ROBO2: variants seen among roughly 807,000 people sequenced by gnomAD.
The protein encoded by ROBO2 is roundabout guidance receptor 2.
A neutral mutation model predicts 160.8 loss-of-function variants in ROBO2; 53 were observed. That is an observed-to-expected ratio of 0.33 (90% CI 0.26 to 0.41). ROBO2 has a LOEUF of 0.41. ROBO2 is among the 10% of genes least tolerant of loss of function. The pLI is 1.00. For missense variants in ROBO2, 1,577 were observed against 1,722.4 expected (o/e 0.92, Z 1.49); for synonymous variants, 664 against 611.7 (o/e 1.09, Z -1.26).
chr3:76,317,461 A>G (rs187625587), intron 2 of ROBO2, among the ~76,000 whole-genome samples: 427 of 152,020 alleles, frequency 2.8e-3, no homozygotes, highest in South Asian at 0.013. Context: ...TGCAGTAGAA[A>G]AAAAGAAAGC....
At chr3:77,308,208 G>A (rs1190032272) in intron 2 of ROBO2, among the ~76,000 whole-genome samples, 2 of 151,240 alleles carry the variant, frequency 1.3e-5, no homozygotes, top group African/African-American at 4.9e-5. Flanking sequence ...TGCGGCAATC[G>A]TTCTTTTCAT....
chr3:77,088,550 C>G (rs554126891), intron 1 of ROBO2, among the ~76,000 whole-genome samples: 1 of 152,228 alleles, frequency 6.6e-6, no homozygotes, highest in African/African-American at 2.4e-5. Context: ...CTATCACTCC[C>G]CACGCTGCCC....
At chr3:75,965,057 A>G (rs555164643) in intron 2 of ROBO2, 2 of 151,820 alleles carry the variant, frequency 1.3e-5, no homozygotes, top group African/African-American at 4.8e-5. Context: ...ACACCACTAC[A>G]TTTGGACTAG....
chr3:76,287,873 T>G (rs936899662), intron 2 of ROBO2, among the ~76,000 whole-genome samples: 4 of 145,260 alleles, frequency 2.8e-5, no homozygotes. Flanking sequence ...CTGCTACTAT[T>G]TTTGTATTCA....
At chr3:76,084,794 C>T (rs1453130161) in intron 2 of ROBO2, among the ~76,000 whole-genome samples, 2 of 152,064 alleles carry the variant, frequency 1.3e-5, no homozygotes, top group East Asian at 1.9e-4. Context: ...TAATAATGGT[C>T]CTTGCTGCTC....
At position 76,444,458 on chromosome 3, in the gene ROBO2, G is replaced by A. The variant is rs115526974; in HGVS notation, c.109+506856G>A. ...AGACTGAGTAATTTTAAAGGAAAGA[G>A]GTTTAATTGGCTTACATTTCAGCAT... On this transcript the variant is annotated intron_variant, in intron 2 of 26. Transcript: ENST00000487694. Among the ~76,000 whole-genome samples the A allele has an allele frequency of 6.6e-3, 1,012 of 152,222 alleles. 7 individuals carry two copies. Among genetic ancestry groups the A allele is most frequent in the Middle Eastern group, 0.014 (4 of 294 alleles).
chr3:76,403,107 A>T (rs2077935694), intron 2 of ROBO2, among the ~76,000 whole-genome samples: 1 of 151,542 alleles, frequency 6.6e-6, no homozygotes, highest in Non-Finnish European at 1.5e-5. Flanking sequence ...ACTGGAATAT[A>T]GTTAAGTTAA....
chr3:76,101,136 C>T (rs1440242942), intron 2 of ROBO2, among the ~76,000 whole-genome samples: 1 of 152,000 alleles, frequency 6.6e-6, no homozygotes, highest in Non-Finnish European at 1.5e-5. Context: ...AGCCGGTAAT[C>T]GTCACAGAGT....
intron 2 of ROBO2, among the ~76,000 whole-genome samples, chr3:76,537,954 A>G (rs538074651): frequency 4.9e-4 from 74 of 152,150 alleles, no homozygotes; most frequent in Middle Eastern, 6.8e-3. Flanking sequence ...CTGATCAGTT[A>G]GGGTAGGGCA....
intron 2 of ROBO2, among the ~76,000 whole-genome samples, chr3:76,925,036 G>A (rs34649001): frequency 0.23 from 34,231 of 150,762 alleles, 4,054 homozygotes; most frequent in South Asian, 0.32. Context: ...GTGAAACCCC[G>A]TCTCTACTAA....
chr3:76,210,121 A>G (rs183732813), intron 2 of ROBO2, among the ~76,000 whole-genome samples: 2 of 152,228 alleles, frequency 1.3e-5, no homozygotes, highest in African/African-American at 4.8e-5. Context: ...AATGACAAAG[A>G]ACTCTCCCTT....
intron 2 of ROBO2, among the ~76,000 whole-genome samples, chr3:76,984,195 A>G (rs1277766803): frequency 6.6e-6 from 1 of 151,994 alleles, no homozygotes; most frequent in Non-Finnish European, 1.5e-5. Flanking sequence ...AGATTATGAG[A>G]TTTTGGGTGG....
intron 2 of ROBO2, among the ~76,000 whole-genome samples, chr3:77,363,637 T>C (rs906688552): frequency 1.3e-5 from 2 of 152,252 alleles, no homozygotes; most frequent in East Asian, 3.9e-4. Flanking sequence ...TTGCTGACAA[T>C]AGACTGAGAG....
chr3:76,669,421 A>G (rs1378927338), intron 2 of ROBO2, among the ~76,000 whole-genome samples: 1 of 152,136 alleles, frequency 6.6e-6, no homozygotes, highest in East Asian at 1.9e-4. Context: ...CAGGAAGTCC[A>G]AGGTCCGGGT....
chr3:76,710,836 C>A (rs551133174), intron 2 of ROBO2, among the ~76,000 whole-genome samples: 183 of 152,256 alleles, frequency 1.2e-3, no homozygotes, highest in African/African-American at 4.0e-3. Context: ...GAGAGCTGAA[C>A]CCATCCTCAG....
At chr3:76,042,983 C>G (rs535311126) in intron 2 of ROBO2, among the ~76,000 whole-genome samples, 1 of 151,996 alleles carries the variant, frequency 6.6e-6, no homozygotes, top group Admixed American at 6.5e-5. Flanking sequence ...AAAGCCCTTC[C>G]TTCTACAACT....
chr3:77,607,891 C>T (rs199764877), exon 21 of ROBO2: 39 of 1,613,972 alleles, frequency 2.4e-5, no homozygotes, highest in Non-Finnish European at 2.9e-5. Context: ...CTACCTCCCC[C>T]CCCAGTCCAG....
intron 5 of ROBO2, among the ~76,000 whole-genome samples, chr3:77,500,089 T>G (rs1331277662): frequency 3.3e-5 from 5 of 152,212 alleles, no homozygotes; most frequent in African/African-American, 9.6e-5. Context: ...TCACCTGGGT[T>G]GAGACCTTCA....
chr3:76,322,208 T>TACAC (rs1553705643), intron 2 of ROBO2, among the ~76,000 whole-genome samples: 12 of 128,250 alleles, frequency 9.4e-5, no homozygotes, highest in African/African-American at 2.5e-4. Flanking sequence ...ATATATAATA[T>TACAC]ACACACACAT....
Sources: gnomAD v4.1 joint callset for allele counts (sites outside exome capture counted in the v4.1 genomes callset) on GRCh38, gnomAD v4.1.1 for gene constraint, MANE v1.5 for transcripts, NCBI Gene and HGNC (gene_info 2026-07-23, HGNC 2026-07-21) for gene names.